ENOX1: variants seen among roughly 807,000 people sequenced by gnomAD.
ENOX1 encodes candidate growth-related and time keeping constitutive hydroquinone (NADH) oxidase.
In ENOX1, 42 loss-of-function variants were observed where a neutral mutation model predicts 82.5. The ratio of observed to expected loss-of-function variants is 0.51; its 90% CI spans 0.40 to 0.66. The LOEUF is 0.66. Among genes scored for constraint, ENOX1 ranks in the 30% least tolerant of loss-of-function variants. The pLI is 0.00. For synonymous variants in ENOX1, 271 were observed against 282.2 expected, an observed-to-expected ratio of 0.96 and a Z score of 0.40; for missense variants, 608 against 811.6, an observed-to-expected ratio of 0.75 and a Z score of 3.05.
intron 2 of ENOX1, among the ~76,000 whole-genome samples, chr13:43,655,805 T>C (rs1309181561): frequency 6.6e-6 from 1 of 152,146 alleles, no homozygotes; most frequent in Non-Finnish European, 1.5e-5. Context: ...TCTCATTACC[T>C]CTCCTCTTAA....
intron 3 of ENOX1, among the ~76,000 whole-genome samples, chr13:43,433,814 G>A (rs1314268541): frequency 1.3e-5 from 2 of 152,146 alleles, no homozygotes; most frequent in African/African-American, 4.8e-5. Flanking sequence ...GCCTTCCAGG[G>A]GCATGGCAAC....
At chr13:43,388,204 A>C (rs1160237248) in intron 5 of ENOX1, among the ~76,000 whole-genome samples, 2 of 152,242 alleles carry the variant, frequency 1.3e-5, no homozygotes. Context: ...GAGGATGCTT[A>C]AGTTATTTTG....
At chr13:43,658,487 T>C (rs2084554104) in intron 2 of ENOX1, among the ~76,000 whole-genome samples, 1 of 152,172 alleles carries the variant, frequency 6.6e-6, no homozygotes, top group Non-Finnish European at 1.5e-5. Context: ...CTTAGAATCA[T>C]GTAGTGTTCT....
intron 1 of ENOX1, among the ~76,000 whole-genome samples, chr13:43,696,213 G>A (rs2153806602): frequency 6.6e-6 from 1 of 152,210 alleles, no homozygotes; most frequent in South Asian, 2.1e-4. Flanking sequence ...TGGACATGTG[G>A]GTTCTTCCCA....
intron 1 of ENOX1, among the ~76,000 whole-genome samples, chr13:43,740,365 C>G (rs2089844934): frequency 6.6e-6 from 1 of 151,554 alleles, no homozygotes; most frequent in Non-Finnish European, 1.5e-5. Context: ...TTTTTAACAC[C>G]TTTACTGAGA....
intron 1 of ENOX1, among the ~76,000 whole-genome samples, chr13:43,680,123 A>T (rs1594380653): frequency 6.6e-6 from 1 of 152,350 alleles, no homozygotes; most frequent in East Asian, 1.9e-4. Context: ...CACTTGGTTC[A>T]TATACTAATT....
chr13:43,648,616 T>C (rs2084008748), intron 2 of ENOX1, among the ~76,000 whole-genome samples: 1 of 152,194 alleles, frequency 6.6e-6, no homozygotes, highest in African/African-American at 2.4e-5. Flanking sequence ...AGCCTTCTTA[T>C]GGATGCTGTA....
chr13:43,263,543 A>G (rs960593156), intron 14 of ENOX1, among the ~76,000 whole-genome samples: 3 of 152,228 alleles, frequency 2.0e-5, no homozygotes, highest in Admixed American at 6.5e-5. Context: ...AAATTTTTCA[A>G]AAAGGGCCTA....
intron 2 of ENOX1, among the ~76,000 whole-genome samples, chr13:43,603,558 C>T (rs141406329): frequency 0.012 from 1,666 of 142,674 alleles, 31 homozygotes; most frequent in African/African-American, 0.038. Flanking sequence ...CCACAACAGG[C>T]CCTGGTGTGT....
intron 1 of ENOX1, among the ~76,000 whole-genome samples, chr13:43,718,765 G>C (rs1170343352): frequency 6.7e-6 from 1 of 149,096 alleles, no homozygotes; most frequent in Non-Finnish European, 1.5e-5. Flanking sequence ...TAATGTTGCT[G>C]TTGGACCCTT....
chr13:43,456,544 A>G (rs1383106149), intron 3 of ENOX1, among the ~76,000 whole-genome samples: 2 of 152,202 alleles, frequency 1.3e-5, no homozygotes, highest in East Asian at 3.9e-4. Context: ...GAGTTTCTGC[A>G]GATAAGAATC....
At chr13:43,447,468 G>T (rs17064558) in intron 3 of ENOX1, among the ~76,000 whole-genome samples, 7,976 of 152,088 alleles carry the variant, frequency 0.052, 749 homozygotes, top group African/African-American at 0.18. Flanking sequence ...CAGATGGACA[G>T]GGACCACAAT....
chr13:43,326,342 T>C, intron 10 of ENOX1, 77 bp downstream of exon 10: 1 of 1,247,190 alleles, frequency 8.0e-7, no homozygotes, highest in Admixed American at 1.8e-5. Context: ...ACAGAAACCA[T>C]CATGGCTGCA....
chr13:43,283,630 TG>T (rs1265471066), intron 12 of ENOX1, among the ~76,000 whole-genome samples: 3 of 151,582 alleles, frequency 2.0e-5, no homozygotes, highest in Non-Finnish European at 2.9e-5. Flanking sequence ...TTTTTTTTTT[TG>T]TACAGATGGG....
At chr13:43,526,489 GA>G (rs950238827) in intron 2 of ENOX1, among the ~76,000 whole-genome samples, 1 of 151,560 alleles carries the variant, frequency 6.6e-6, no homozygotes, top group East Asian at 1.9e-4. Flanking sequence ...CTAAAATACT[GA>G]AAAAAAATAA....
chr13:43,530,973 A>G (rs1023773920), intron 2 of ENOX1, among the ~76,000 whole-genome samples: 1 of 152,004 alleles, frequency 6.6e-6, no homozygotes, highest in African/African-American at 2.4e-5. Flanking sequence ...GGCCATAAAC[A>G]ATCTGGGGAA....
At chr13:43,740,658 A>C (rs1594642217) in intron 1 of ENOX1, among the ~76,000 whole-genome samples, 1 of 152,212 alleles carries the variant, frequency 6.6e-6, no homozygotes, top group East Asian at 1.9e-4. Context: ...TACTCCAAAA[A>C]GAAACCCCAT....
chr13:43,694,115 G>A (rs2086512766), intron 1 of ENOX1, among the ~76,000 whole-genome samples: 1 of 151,990 alleles, frequency 6.6e-6, no homozygotes, highest in Non-Finnish European at 1.5e-5. Flanking sequence ...GAGAAATAGA[G>A]CTGTTAATGT....
At chr13:43,445,415 C>G (rs56967477) in intron 3 of ENOX1, among the ~76,000 whole-genome samples, 112 of 151,242 alleles carry the variant, frequency 7.4e-4, no homozygotes, top group East Asian at 3.5e-3. Flanking sequence ...GAGCCACTGC[C>G]CCCGGCCCAC....
Sources: allele counts gnomAD v4.1 joint callset (sites outside exome capture counted in the v4.1 genomes callset), GRCh38; gene constraint gnomAD v4.1.1; transcripts MANE v1.5; gene names NCBI Gene and HGNC (gene_info 2026-07-23, HGNC 2026-07-21).